Variants in AGBL4 observed in about 807,000 individuals in gnomAD.
AGBL4 encodes AGBL carboxypeptidase 4, also known as cytosolic carboxypeptidase 6.
A neutral mutation model predicts 66.4 loss-of-function variants in AGBL4; 58 were observed. The ratio of observed to expected loss-of-function variants is 0.87; its 90% CI spans 0.71 to 1.09. The LOEUF (loss-of-function observed/expected upper bound fraction) is 1.09. Among genes scored for constraint, AGBL4 ranks in the 50% least tolerant of loss-of-function variants. The probability of loss-of-function intolerance (pLI) is 0.00; values close to 1 mark genes in which losing one functional copy is unlikely to be tolerated. For synonymous variants in AGBL4, 234 were observed against 222.9 expected (o/e 1.05, Z -0.44); for missense variants, 579 against 631.0 (o/e 0.92, Z 0.88).
Position 48,731,705 on chromosome 1 carries a change from T to C in AGBL4, c.635-68464A>G, listed in dbSNP as rs1648165623. On this transcript the variant is annotated intron_variant, in intron 6 of 13. Transcript: ENST00000371839. ...TCCCCAAGGTGACAGGGAACAAGGC[T>C]TGTTCACGAAATACAGCAGTTCACC... Among the ~76,000 whole-genome samples the C allele has an allele frequency of 5.3e-5, 8 of 152,296 alleles. No homozygotes were observed. In the South Asian group the frequency reaches 1.7e-3, roughly 32 times the overall value.
At chr1:49,875,595 T>C (rs930324046) in intron 1 of AGBL4, among the ~76,000 whole-genome samples, 1 of 148,840 alleles carries the variant, frequency 6.7e-6, no homozygotes, top group African/African-American at 2.5e-5. Context: ...TTTGCTATTG[T>C]GAATAATGCC....
intron 4 of AGBL4, among the ~76,000 whole-genome samples, chr1:49,164,473 A>G (rs943125202): frequency 1.3e-5 from 2 of 152,162 alleles, no homozygotes; most frequent in Admixed American, 6.5e-5. Context: ...AAAAGGAGAC[A>G]AAGAAGCGCA....
At chr1:49,327,993 A>G (rs1645258883) in intron 3 of AGBL4, among the ~76,000 whole-genome samples, 2 of 152,184 alleles carry the variant, frequency 1.3e-5, no homozygotes, top group South Asian at 2.1e-4. Context: ...CCGTTTTGAA[A>G]AAGGAGACAA....
chr1:48,910,380 G>A (rs977734756), intron 5 of AGBL4, among the ~76,000 whole-genome samples: 5 of 152,110 alleles, frequency 3.3e-5, no homozygotes, highest in African/African-American at 1.2e-4. Context: ...ATTTTTAGTT[G>A]AGGCAATAGG....
intron 2 of AGBL4, among the ~76,000 whole-genome samples, chr1:49,809,716 C>T (rs1298631023): frequency 6.6e-6 from 1 of 152,054 alleles, no homozygotes; most frequent in Non-Finnish European, 1.5e-5. Context: ...AAAATTAATA[C>T]CAGCTTCAAA....
intron 5 of AGBL4, among the ~76,000 whole-genome samples, chr1:48,898,972 A>G (rs1651815441): frequency 6.6e-6 from 1 of 152,174 alleles, no homozygotes; most frequent in African/African-American, 2.4e-5. Flanking sequence ...ACTCTCAGCT[A>G]TCTGTCTCTC....
At chr1:49,787,869 CT>C (rs1158812103) in intron 2 of AGBL4, among the ~76,000 whole-genome samples, 1 of 151,972 alleles carries the variant, frequency 6.6e-6, no homozygotes, top group African/African-American at 2.4e-5. Flanking sequence ...ACCCAGGGGC[CT>C]TTTTTGCGGG....
intron 5 of AGBL4, among the ~76,000 whole-genome samples, chr1:48,883,698 A>G (rs1650009226): frequency 6.6e-6 from 1 of 152,226 alleles, no homozygotes; most frequent in East Asian, 1.9e-4. Flanking sequence ...CCATCGAATC[A>G]TAGTGCACAG....
intron 4 of AGBL4, among the ~76,000 whole-genome samples, chr1:49,077,042 T>C (rs1644724234): frequency 6.6e-6 from 1 of 152,118 alleles, no homozygotes; most frequent in Admixed American, 6.6e-5. Context: ...CCTACAATTT[T>C]CCTAAGAGGC....
Position 49,841,867 on chromosome 1 carries a change from A to G in AGBL4, c.157+9529T>C. 2 of 579,518 alleles carry G rather than the reference A, an allele frequency of 3.5e-6. 1 individual carries two copies. The allele number at this position is 579,518 out of a possible 1,614,324, so 35.9% of individuals were successfully genotyped here. On this transcript the variant is annotated intron_variant, in intron 2 of 13. Transcript: ENST00000371839. ...ACAGTCAGGCGGAGCAGGGGCAGCC[A>G]TTCCTGCCAGAAGCCAGGGCATGAC...
intron 1 of AGBL4, among the ~76,000 whole-genome samples, chr1:49,877,906 G>A (rs1354274516): frequency 1.3e-5 from 2 of 152,074 alleles, no homozygotes; most frequent in Admixed American, 6.5e-5. Context: ...ATGTGTCTAC[G>A]AATGTATCCA....
At chr1:49,158,259 A>G (rs1396141430) in intron 4 of AGBL4, among the ~76,000 whole-genome samples, 1 of 152,228 alleles carries the variant, frequency 6.6e-6, no homozygotes, top group Non-Finnish European at 1.5e-5. Flanking sequence ...CATTCAGGAC[A>G]TAGACATGGG....
At chr1:49,900,085 G>A (rs1046900519) in intron 1 of AGBL4, among the ~76,000 whole-genome samples, 1 of 151,966 alleles carries the variant, frequency 6.6e-6, no homozygotes, top group African/African-American at 2.4e-5. Context: ...GGAATGGGTT[G>A]AAGAAATAAC....
chr1:49,271,538 AC>A (rs1644058913), intron 3 of AGBL4, among the ~76,000 whole-genome samples: 1 of 151,866 alleles, frequency 6.6e-6, no homozygotes, highest in African/African-American at 2.4e-5. Context: ...ACACACACAC[AC>A]ACACACACAC....
At chr1:48,700,082 A>G (rs1646778013) in intron 6 of AGBL4, among the ~76,000 whole-genome samples, 3 of 152,124 alleles carry the variant, frequency 2.0e-5, no homozygotes, top group South Asian at 4.1e-4. Flanking sequence ...CCCGGATGTT[A>G]ATGACACTAT....
At chr1:48,851,882 C>T (rs1647039579) in intron 6 of AGBL4, among the ~76,000 whole-genome samples, 1 of 151,160 alleles carries the variant, frequency 6.6e-6, no homozygotes, top group South Asian at 2.1e-4. Context: ...AGAGAATGAC[C>T]TAATATCCTG....
chr1:49,349,501 C>T (rs1418137172), intron 3 of AGBL4, among the ~76,000 whole-genome samples: 2 of 152,190 alleles, frequency 1.3e-5, no homozygotes, highest in Non-Finnish European at 2.9e-5. Context: ...CAAATATTCA[C>T]CTTCTCAAGT....
At position 49,066,482 on chromosome 1, in the gene AGBL4, G is replaced by A. The variant is rs536718077; in HGVS notation, c.378-20682C>T. Among the ~76,000 whole-genome samples the A allele has an allele frequency of 7.9e-5, 12 of 152,306 alleles. No individual in the cohort carries two copies. In the South Asian group the frequency reaches 2.3e-3, roughly 29 times the overall value. ...CAGGGAAATTGCTTGAACCTGGGAG[G>A]TGGGGCTTGCAGTAAGCCAAGACTG... is the stretch of plus-strand genomic sequence containing the variant. On this transcript the variant is annotated intron_variant, in intron 4 of 13. Transcript: ENST00000371839.
chr1:48,722,118 G>T (rs1647160967), intron 6 of AGBL4, among the ~76,000 whole-genome samples: 1 of 113,886 alleles, frequency 8.8e-6, no homozygotes, highest in Admixed American at 1.0e-4. Context: ...GTTATTGTTT[G>T]TTTATTTGGG....
Sources: allele counts gnomAD v4.1 joint callset (sites outside exome capture counted in the v4.1 genomes callset), GRCh38; gene constraint gnomAD v4.1.1; transcripts MANE v1.5; gene names NCBI Gene and HGNC (gene_info 2026-07-23, HGNC 2026-07-21).